SEC61A2: variants seen among roughly 807,000 people sequenced by gnomAD.
SEC61A2 encodes protein transport protein Sec61 subunit alpha isoform 2.
In SEC61A2, 28 loss-of-function variants were observed where a neutral mutation model predicts 59.9. The observed-to-expected ratio is 0.47, with a 90% CI of 0.35 to 0.64. The LOEUF (loss-of-function observed/expected upper bound fraction) is 0.64. SEC61A2 is among the 30% of genes least tolerant of loss of function. The probability of loss-of-function intolerance (pLI) is 0.01; values close to 1 mark genes in which losing one functional copy is unlikely to be tolerated. For synonymous variants in SEC61A2, 202 were observed against 214.4 expected (o/e 0.94, Z 0.50); for missense variants, 340 against 585.9 (o/e 0.58, Z 4.33).
Position 12,157,950 on chromosome 10 carries a change from G to C in SEC61A2, c.820G>C (p.Gly274Arg). The stretch of plus-strand genomic sequence containing the variant: ...GCCCATTAAGTCGGCCCGTTACCGA[G>C]GACAGTACAGCAGCTACCCCATCAA... ...DLPIKSARYR[G>R]QYSSYPIKLF... The change falls in exon 9 of 12, where the codon GGA (glycine) becomes CGA (arginine). Residue 274 changes from glycine to arginine, a missense_variant. Gly to Arg is a moderately radical substitution (Grantham distance 125). Around this residue, in one of 3 missense-constraint regions of SEC61A2, gnomAD observed 283 missense variants for 483.2 expected, o/e 0.59. Coordinates refer to ENST00000298428, the MANE Select transcript of SEC61A2 (RefSeq NM_018144.4). 6.2e-7 allele frequency: 1 copy of C among 1,614,106 alleles called. No homozygotes were observed. Among genetic ancestry groups the C allele is most frequent in the Non-Finnish European group, 8.5e-7 (1 of 1,180,026 alleles).
intron 2 of SEC61A2, 59 bp from the exon 3 acceptor site, chr10:12,136,046 C>T: frequency 9.2e-7 from 1 of 1,081,172 alleles, no homozygotes; most frequent in South Asian, 1.3e-5. Context: ...CTCTGCTGCC[C>T]CCCAAAAATT....
Position 12,164,796 on chromosome 10 carries a change from C to G in SEC61A2, c.*342C>G. 5 of 1,033,932 alleles carry G rather than the reference C, an allele frequency of 4.8e-6. No homozygotes were observed. Among genetic ancestry groups the G allele is most frequent in the Non-Finnish European group, 4.6e-6 (4 of 861,892 alleles). The allele number at this position is 1,033,932 out of a possible 1,614,324, so 64.0% of individuals were successfully genotyped here. A position where few individuals can be genotyped will look rare whatever the true frequency, so the allele number is the denominator to read the frequency against. ...TTCAAAACACTTCATATTGCCCCCA[C>G]TTGTTGAAAAATAAATGTAGTTCAA... On this transcript the variant is annotated 3_prime_UTR_variant, in exon 12 of 12. Transcript: ENST00000298428. This position sits in a 1 kb window ranked among gnomAD's most constrained non-coding sequence, Gnocchi z 7.3.
In SEC61A2 at chr10:12,160,876, T is replaced by C; in HGVS notation, c.976-54T>C. 6.9e-7 allele frequency: 1 copy of C among 1,446,656 alleles called. No homozygotes were observed. Among genetic ancestry groups the C allele is most frequent in the South Asian group, 1.3e-5 (1 of 77,126 alleles). The allele number at this position is 1,446,656 out of a possible 1,614,324, so 89.6% of individuals were successfully genotyped here. A position where few individuals can be genotyped will look rare whatever the true frequency, so the allele number is the denominator to read the frequency against. ...TGAGAAGTTTGAAGTGACATGCAAA[T>C]GTATTCCTGACTAATTAGGTTGACC... On this transcript the variant is annotated intron_variant, in intron 9 of 11. Transcript: ENST00000298428. The surrounding 1 kb of genome is among the most constrained non-coding windows in gnomAD (Gnocchi z 4.1).
chr10:12,155,497 T>G lies in SEC61A2; in HGVS notation c.463-281T>G. 1.4e-6 allele frequency: 1 copy of G among 735,482 alleles called. No individual in the cohort carries two copies. The highest frequency in any genetic ancestry group is 2.1e-6 in the Non-Finnish European group (1 of 468,994). The allele number at this position is 735,482 out of a possible 1,614,324, so 45.6% of individuals were successfully genotyped here. A position where few individuals can be genotyped will look rare whatever the true frequency, so the allele number is the denominator to read the frequency against. ...AGTGTGCTTTTCAAACAGGCTTTAT[T>G]TAAACATTGCAAAAGAAACTATTCA... On this transcript the variant is annotated intron_variant, in intron 6 of 11. Coordinates refer to ENST00000298428, the MANE Select transcript of SEC61A2 (RefSeq NM_018144.4). This position sits in a 1 kb window ranked among gnomAD's most constrained non-coding sequence, Gnocchi z 4.3.
intron 3 of SEC61A2, 110 bp downstream of exon 3, chr10:12,136,280 T>C (rs1269404549): frequency 1.6e-6 from 1 of 622,664 alleles, no homozygotes; most frequent in African/African-American, 1.9e-5. Context: ...GAGCTCAATA[T>C]ATTGAGCATT....
chr10:12,144,652 C>T (rs1192088771), intron 4 of SEC61A2, among the ~76,000 whole-genome samples: 3 of 151,980 alleles, frequency 2.0e-5, no homozygotes, highest in Non-Finnish European at 4.4e-5. Flanking sequence ...AAGACAGCTG[C>T]AGGAAGTGAG....
In SEC61A2 at chr10:12,156,568, C is replaced by T. The variant is rs1367142667; in HGVS notation, c.617-339C>T. ...CTGACATCTCTGCTCTGCTTCGCTG[C>T]TGTTTATTTTTCCTAAAAACACTCT... On this transcript the variant is annotated intron_variant, in intron 7 of 11. Coordinates refer to ENST00000298428, the MANE Select transcript of SEC61A2 (RefSeq NM_018144.4). This position sits in a 1 kb window ranked among gnomAD's most constrained non-coding sequence, Gnocchi z 5.2. Among the ~76,000 whole-genome samples, 1 of 152,196 alleles carries T rather than the reference C, an allele frequency of 6.6e-6. No homozygotes were observed. Among genetic ancestry groups the T allele is most frequent in the Non-Finnish European group, 1.5e-5 (1 of 68,038 alleles).
At chr10:12,133,986 C>T (rs944519497) in intron 2 of SEC61A2, among the ~76,000 whole-genome samples, 7 of 152,144 alleles carry the variant, frequency 4.6e-5, no homozygotes, top group African/African-American at 1.7e-4. Flanking sequence ...TTTAAACTTA[C>T]TATTTGATTT....
At chr10:12,146,701 G>A (rs976098241) in intron 4 of SEC61A2, among the ~76,000 whole-genome samples, 1 of 151,652 alleles carries the variant, frequency 6.6e-6, no homozygotes, top group African/African-American at 2.4e-5. Flanking sequence ...GTATTTTTTA[G>A]TACAGGTGGG....
In SEC61A2 at chr10:12,156,701, G is replaced by A. The variant is rs74891505; in HGVS notation, c.617-206G>A. On this transcript the variant is annotated intron_variant, in intron 7 of 11. Coordinates refer to ENST00000298428, the MANE Select transcript of SEC61A2 (RefSeq NM_018144.4). This position sits in a 1 kb window ranked among gnomAD's most constrained non-coding sequence, Gnocchi z 5.2. The stretch of plus-strand genomic sequence containing the variant: ...AAGAATAGTCTCTTGAGAAAACTTC[G>A]GATTTATGCTATAAAAACATAGATT... Among the ~76,000 whole-genome samples the A allele has an allele frequency of 6.2e-3, 944 of 152,236 alleles. 5 individuals are homozygous for A. The highest frequency in any genetic ancestry group is 0.01 in the Non-Finnish European group (694 of 68,028).
At chr10:12,141,525 A>T (rs1168374000) in intron 3 of SEC61A2, among the ~76,000 whole-genome samples, 2 of 152,144 alleles carry the variant, frequency 1.3e-5, no homozygotes, top group African/African-American at 4.8e-5. Context: ...TGTTGTTTTA[A>T]TGAAAAGTTA....
rs1466455764 is a variant in SEC61A2 at position 12,142,899 on chromosome 10, A to G, written c.142-218A>G. On this transcript the variant is annotated intron_variant, in intron 3 of 11. Coordinates refer to ENST00000298428, the MANE Select transcript of SEC61A2 (RefSeq NM_018144.4). The surrounding 1 kb of genome is among the most constrained non-coding windows in gnomAD (Gnocchi z 5.4). ...TGTTTTTGTTGAAGAACATAAGAAT[A>G]GTTTTTAAAAAAGTATTGCAAGCAG... Among the ~76,000 whole-genome samples, 1 of 151,906 alleles carries G rather than the reference A, an allele frequency of 6.6e-6. No individual in the cohort carries two copies. The highest frequency in any genetic ancestry group is 1.5e-5 in the Non-Finnish European group (1 of 68,002).
At position 12,143,187 on chromosome 10, in the gene SEC61A2, C is replaced by T; in HGVS notation, c.212C>T (p.Ser71Phe). Residue 71 changes from serine to phenylalanine, a missense_variant, in exon 4 of 12, where the codon TCC becomes TTC. Around this residue, in one of 3 missense-constraint regions of SEC61A2, gnomAD observed 16 missense variants for 55.0 expected, o/e 0.29. Coordinates refer to ENST00000298428, the MANE Select transcript of SEC61A2 (RefSeq NM_018144.4). The surrounding 1 kb of genome is among the most constrained non-coding windows in gnomAD (Gnocchi z 4.8). Reference protein sequence around the residue: ...PFYWMRVILASNRGTLMELGI... With the variant: ...PFYWMRVILAFNRGTLMELGI... ...TACTGGATGAGAGTTATTCTGGCTT[C>T]CAATAGAGGTATGCGTGTCTTTTCT... 6.2e-7 allele frequency: 1 copy of T among 1,609,638 alleles called. No individual in the cohort carries two copies. The highest frequency in any genetic ancestry group is 8.5e-7 in the Non-Finnish European group (1 of 1,175,960).
rs2131671684 is a variant in SEC61A2, at chr10:12,152,664, G to T, written c.462+2703G>T. On this transcript the variant is annotated intron_variant, in intron 6 of 11. Coordinates refer to ENST00000298428, the MANE Select transcript of SEC61A2 (RefSeq NM_018144.4). This position sits in a 1 kb window ranked among gnomAD's most constrained non-coding sequence, Gnocchi z 5.5. Reference sequence around the variant, plus strand: ...AATCCCAGCACTTTGGGAGGCTGAGGCGGGCGGATCACGAGGTCAGGAGAT... The same window carrying T: ...AATCCCAGCACTTTGGGAGGCTGAGTCGGGCGGATCACGAGGTCAGGAGAT... Among the ~76,000 whole-genome samples, 1 of 152,186 alleles carries T rather than the reference G, an allele frequency of 6.6e-6. No individual in the cohort carries two copies. Among genetic ancestry groups the T allele is most frequent in the East Asian group, 1.9e-4 (1 of 5,138 alleles).
chr10:12,144,822 G>A (rs1168346522), intron 4 of SEC61A2, among the ~76,000 whole-genome samples: 2 of 152,096 alleles, frequency 1.3e-5, no homozygotes, highest in East Asian at 1.9e-4. Context: ...AGGCTGAAGC[G>A]GGAAGATCAC....
rs528060433 is a variant in SEC61A2, at chr10:12,156,886, G to A, written c.617-21G>A. The A allele has an allele frequency of 5.6e-6, 9 of 1,612,572 alleles. No homozygotes were observed. In the East Asian group the frequency reaches 1.3e-4, roughly 24 times the overall value. On this transcript the variant is annotated intron_variant, in intron 7 of 11. Coordinates refer to ENST00000298428, the MANE Select transcript of SEC61A2 (RefSeq NM_018144.4). The surrounding 1 kb of genome is among the most constrained non-coding windows in gnomAD (Gnocchi z 5.2). The stretch of plus-strand genomic sequence containing the variant: ...GCTTTGGACGATGAGTCCACAGGTC[G>A]TGTCTGTCTTGATTTTACAGGTACT...
rs1251520465 is a variant in SEC61A2, at chr10:12,158,408, G to C, written c.975+303G>C. The stretch of plus-strand genomic sequence containing the variant: ...TTTCCTATTTTGTCATCTTATTCCA[G>C]TATTGTCTACAATAATGCTTTCTAA... On this transcript the variant is annotated intron_variant, in intron 9 of 11. Transcript: ENST00000298428. This position sits in a 1 kb window ranked among gnomAD's most constrained non-coding sequence, Gnocchi z 5.7. The C allele has an allele frequency of 6.1e-6, 2 of 327,212 alleles. No homozygotes were observed. The highest frequency in any genetic ancestry group is 9.5e-5 in the Admixed American group (2 of 21,098). 20.3% of individuals were successfully genotyped at this position (327,212 alleles called of 1,614,324 possible).
At chr10:12,167,756 T>C, downstream of SEC61A2, 1 of 1,614,200 alleles carries the variant, frequency 6.2e-7, no homozygotes, top group Non-Finnish European at 8.5e-7. Flanking sequence ...GTTTCAGTGC[T>C]AGAGCGTAGG....
chr10:12,164,333 T>C lies in SEC61A2; in HGVS notation c.1310T>C (p.Phe437Ser). 6.2e-7 allele frequency: 1 copy of C among 1,614,138 alleles called. No homozygotes were observed. Among genetic ancestry groups the C allele is most frequent in the Non-Finnish European group, 8.5e-7 (1 of 1,180,028 alleles). The change falls in exon 12 of 12, where the codon TTC becomes TCC. Residue 437 changes from phenylalanine (F) to serine (S), a missense_variant. Phe to Ser is a radical substitution (Grantham distance 155). Coordinates refer to ENST00000298428, the MANE Select transcript of SEC61A2 (RefSeq NM_018144.4). The surrounding 1 kb of genome is among the most constrained non-coding windows in gnomAD (Gnocchi z 7.3). ...GGCGCCCTGTCAGTGCTGGCTGACTTCCTGGGGGCCATTGGATCTGGCACT... is the reference window on the plus strand; with the variant it reads ...GGCGCCCTGTCAGTGCTGGCTGACTCCCTGGGGGCCATTGGATCTGGCACT... ...CIGALSVLADFLGAIGSGTGI... is the reference protein window; with the variant it reads ...CIGALSVLADSLGAIGSGTGI...
Sources: gnomAD v4.1 joint callset for allele counts (sites outside exome capture counted in the v4.1 genomes callset) on GRCh38, gnomAD v4.1.1 for gene constraint, gnomAD v4.1.1 regional missense constraint, Gnocchi (gnomAD v3.1) non-coding constraint, MANE v1.5 for transcripts, NCBI Gene and HGNC (gene_info 2026-07-23, HGNC 2026-07-21) for gene names.